The following TTC29 variants were observed in gnomAD, a reference collection of about 807,000 sequenced individuals.
TTC29 encodes tetratricopeptide repeat protein 29.
A neutral mutation model predicts 58.1 loss-of-function variants in TTC29; 49 were observed. The observed-to-expected ratio is 0.84, with a 90% CI of 0.67 to 1.07. The LOEUF (loss-of-function observed/expected upper bound fraction) is 1.07, where lower values mean the gene tolerates loss of function less well. TTC29 is among the 50% of genes least tolerant of loss of function. The pLI is 0.00. For missense variants in TTC29, 582 were observed against 555.6 expected (o/e 1.05, Z -0.48); for synonymous variants, 209 against 196.8 (o/e 1.06, Z -0.52).
intron 2 of TTC29, chr4:146,942,712 AAAC>A (rs1222794677): frequency 7.0e-6 from 9 of 1,286,454 alleles, no homozygotes; most frequent in African/African-American, 1.5e-5. Context: ...GGAGAGAAGA[AAAC>A]AACTAAGTTT....
At chr4:146,835,123 T>C (rs562662853) in intron 8 of TTC29, among the ~76,000 whole-genome samples, 1 of 152,338 alleles carries the variant, frequency 6.6e-6, no homozygotes, top group Non-Finnish European at 1.5e-5. Flanking sequence ...ATGTATTCTT[T>C]TAGCAATTTT....
intron 11 of TTC29, among the ~76,000 whole-genome samples, chr4:146,718,985 G>T (rs1195316692): frequency 6.6e-6 from 1 of 151,870 alleles, no homozygotes; most frequent in African/African-American, 2.4e-5. Context: ...GTGTATTCTT[G>T]GCACCTTTCT....
At chr4:146,874,546 A>G (rs1455627004) in intron 7 of TTC29, among the ~76,000 whole-genome samples, 170 bp downstream of exon 7, 1 of 152,164 alleles carries the variant, frequency 6.6e-6, no homozygotes, top group Non-Finnish European at 1.5e-5. Flanking sequence ...TGTTGTCAGC[A>G]CTAAGGCACC....
intron 11 of TTC29, among the ~76,000 whole-genome samples, chr4:146,713,219 A>T (rs1561051680): frequency 6.6e-6 from 1 of 151,924 alleles, no homozygotes; most frequent in East Asian, 1.9e-4. Flanking sequence ...ACATTTAGTC[A>T]TGTGAAGTGT....
chr4:146,910,108 C>T (rs1341740519), intron 4 of TTC29, among the ~76,000 whole-genome samples: 1 of 151,694 alleles, frequency 6.6e-6, no homozygotes, highest in Non-Finnish European at 1.5e-5. Flanking sequence ...ATATTATATT[C>T]TTTAAAAAAA....
chr4:146,903,813 C>T, intron 5 of TTC29, 84 bp from the exon 6 acceptor site: 1 of 1,021,626 alleles, frequency 9.8e-7, no homozygotes, highest in African/African-American at 1.7e-5. Flanking sequence ...AATATCATGA[C>T]TTCCTATTTT....
chr4:146,707,124 T>G lies in TTC29; in HGVS notation c.*34A>C. 6.7e-7 allele frequency: 1 copy of G among 1,500,282 alleles called. No homozygotes were observed. Among genetic ancestry groups the G allele is most frequent in the South Asian group, 1.3e-5 (1 of 75,078 alleles). The allele number at this position is 1,500,282 out of a possible 1,614,324, so 92.9% of individuals were successfully genotyped here. A position where few individuals can be genotyped will look rare whatever the true frequency, so the allele number is the denominator to read the frequency against. ...TGAAGTCTAAGGTGACATGATGGAT[T>G]TCTTCTTGCTTTGATGTTAAGTGAA... On this transcript the variant is annotated 3_prime_UTR_variant, in exon 13 of 13. Coordinates refer to ENST00000325106, the MANE Select transcript of TTC29 (RefSeq NM_031956.4).
intron 11 of TTC29, among the ~76,000 whole-genome samples, chr4:146,788,714 A>G (rs1472728178): frequency 2.0e-5 from 3 of 152,024 alleles, no homozygotes; most frequent in Non-Finnish European, 1.5e-5. Context: ...ATGACATACA[A>G]AGGTATGGAA....
intron 6 of TTC29, among the ~76,000 whole-genome samples, chr4:146,898,004 T>C (rs1232608313): frequency 1.3e-5 from 2 of 152,126 alleles, no homozygotes; most frequent in Non-Finnish European, 2.9e-5. Flanking sequence ...GTTTTTTTAG[T>C]GAGAGTAAAA....
chr4:146,721,474 T>G (rs1010158867), intron 11 of TTC29, among the ~76,000 whole-genome samples: 1 of 152,202 alleles, frequency 6.6e-6, no homozygotes, highest in African/African-American at 2.4e-5. Context: ...CTAATATATT[T>G]GTCCCTGTAT....
At chr4:146,907,804 T>C (rs1276518555) in intron 5 of TTC29, among the ~76,000 whole-genome samples, 1 of 152,124 alleles carries the variant, frequency 6.6e-6, no homozygotes, top group Non-Finnish European at 1.5e-5. Flanking sequence ...CCAGCCAAAA[T>C]GGAGGTTTTT....
At chr4:146,778,313 T>C (rs535504930) in intron 11 of TTC29, among the ~76,000 whole-genome samples, 1 of 152,282 alleles carries the variant, frequency 6.6e-6, no homozygotes, top group East Asian at 1.9e-4. Flanking sequence ...TTTGAAATTT[T>C]AATATTTTCA....
chr4:146,899,937 T>A (rs1733029124), intron 6 of TTC29, among the ~76,000 whole-genome samples: 1 of 152,212 alleles, frequency 6.6e-6, no homozygotes, highest in Non-Finnish European at 1.5e-5. Context: ...AGCTGCCACC[T>A]AGCTGTTGCT....
intron 8 of TTC29, among the ~76,000 whole-genome samples, chr4:146,866,896 G>A (rs944239619): frequency 1.3e-5 from 2 of 152,138 alleles, no homozygotes; most frequent in African/African-American, 4.8e-5. Flanking sequence ...AATGACTTCA[G>A]TTATAATTCA....
intron 8 of TTC29, among the ~76,000 whole-genome samples, chr4:146,866,965 C>T (rs58508953): frequency 0.021 from 3,215 of 152,172 alleles, 126 homozygotes; most frequent in African/African-American, 0.072. Context: ...AACCTGGTTG[C>T]AAAATAGCCT....
intron 6 of TTC29, among the ~76,000 whole-genome samples, chr4:146,895,520 A>G (rs778405596): frequency 6.6e-6 from 1 of 151,998 alleles, no homozygotes; most frequent in Non-Finnish European, 1.5e-5. Context: ...CTTTACTTTC[A>G]TCTTCTCTGG....
chr4:146,943,169 CTTTTTT>C (rs61184684), intron 2 of TTC29, among the ~76,000 whole-genome samples: 8,807 of 56,170 alleles, frequency 0.16, 90 homozygotes, highest in South Asian at 0.28. Context: ...ATCAACTGTG[CTTTTTT>C]TTTTTTTTTT....
chr4:146,841,240 G>A (rs546501793), intron 8 of TTC29, among the ~76,000 whole-genome samples: 48 of 152,152 alleles, frequency 3.2e-4, no homozygotes, highest in East Asian at 2.5e-3. Context: ...TGGCTGCCTC[G>A]TTTTCTGTTA....
chr4:146,788,241 T>C (rs557782557), intron 11 of TTC29, among the ~76,000 whole-genome samples: 15 of 152,266 alleles, frequency 9.9e-5, no homozygotes, highest in African/African-American at 3.1e-4. Context: ...GAAGCTGAAT[T>C]GATGAGAGAT....
Sources: gnomAD v4.1 joint callset for allele counts (sites outside exome capture counted in the v4.1 genomes callset) on GRCh38, gnomAD v4.1.1 for gene constraint, MANE v1.5 for transcripts, NCBI Gene and HGNC (gene_info 2026-07-23, HGNC 2026-07-21) for gene names.